The following DYNC2I1 variants were observed in gnomAD, a reference collection of about 807,000 sequenced individuals.
DYNC2I1 encodes the protein cytoplasmic dynein 2 intermediate chain 1.
Under a neutral mutation model 133.4 loss-of-function variants are expected in DYNC2I1, and 89 were observed. That is an observed-to-expected ratio of 0.67 (90% CI 0.56 to 0.80). The LOEUF (loss-of-function observed/expected upper bound fraction) is 0.80. Ranked by LOEUF, DYNC2I1 falls within the 30% of genes least tolerant of loss-of-function variation. The pLI is 0.00. For synonymous variants in DYNC2I1, 504 were observed against 484.3 expected, an observed-to-expected ratio of 1.04 and a Z score of -0.54; for missense variants, 1,291 against 1,314.5, an observed-to-expected ratio of 0.98 and a Z score of 0.28.
At chr7:158,891,182 G>C (rs1419075931) in intron 7 of DYNC2I1, 83 bp from the exon 8 acceptor site, 1 of 1,495,816 alleles carries the variant, frequency 6.7e-7, no homozygotes, top group Non-Finnish European at 9.3e-7. Flanking sequence ...GCTCCGCAGT[G>C]GTGGGGTGGG....
chr7:158,953,509 T>C (rs759942535), intron 4 of DYNC2I1, among the ~76,000 whole-genome samples: 126 of 152,176 alleles, frequency 8.3e-4, no homozygotes, highest in Non-Finnish European at 1.1e-3. Context: ...TCCCAGCACT[T>C]TGGGAGGCCA....
intron 11 of DYNC2I1, among the ~76,000 whole-genome samples, chr7:158,911,023 G>T (rs114398888): frequency 0.024 from 3,621 of 148,932 alleles, 139 homozygotes; most frequent in African/African-American, 0.085. Flanking sequence ...GGCCGAGGGC[G>T]ATTGGCTGTG....
rs1412798883 is a variant in DYNC2I1 at position 158,874,257 on chromosome 7, G to A, written c.491-2352G>A. Among the ~76,000 whole-genome samples, 4 of 150,578 alleles carry A rather than the reference G, an allele frequency of 2.7e-5. No individual in the cohort carries two copies. The South Asian group carries it at 8.5e-4, about 32-fold the overall frequency. Reference sequence around the variant, plus strand: ...GACTCTCACTCTGTTCCCCAGGCTGGAGTGCAGTGGTGTGATCTTGGCTCA... The same window carrying A: ...GACTCTCACTCTGTTCCCCAGGCTGAAGTGCAGTGGTGTGATCTTGGCTCA... On this transcript the variant is annotated intron_variant, in intron 3 of 24. Coordinates refer to ENST00000407559, the MANE Select transcript of DYNC2I1 (RefSeq NM_018051.5).
At chr7:158,938,775 AAAG>A (rs1162196558) in intron 23 of DYNC2I1, among the ~76,000 whole-genome samples, 1 of 152,096 alleles carries the variant, frequency 6.6e-6, no homozygotes, top group Non-Finnish European at 1.5e-5. Context: ...AACAACAACA[AAAG>A]AAATGCTAAA....
chr7:158,873,524 C>T (rs1417886322), intron 3 of DYNC2I1, among the ~76,000 whole-genome samples: 3 of 152,106 alleles, frequency 2.0e-5, no homozygotes, highest in Admixed American at 6.5e-5. Flanking sequence ...CATATATGTG[C>T]GTTTCTGTTG....
intron 16 of DYNC2I1, among the ~76,000 whole-genome samples, chr7:158,923,179 C>T (rs1243236598): frequency 6.6e-6 from 1 of 152,172 alleles, no homozygotes; most frequent in Non-Finnish European, 1.5e-5. Flanking sequence ...TCCACAAAAG[C>T]TGTAGAGAAG....
chr7:158,944,909 T>C (rs1181114419), intron 24 of DYNC2I1, among the ~76,000 whole-genome samples: 1 of 151,930 alleles, frequency 6.6e-6, no homozygotes, highest in Non-Finnish European at 1.5e-5. Flanking sequence ...AGACTGGGCG[T>C]GTTTCTACCA....
chr7:158,860,816 T>C (rs780388368), intron 1 of DYNC2I1, among the ~76,000 whole-genome samples: 46 of 152,332 alleles, frequency 3.0e-4, no homozygotes, highest in East Asian at 1.5e-3. Flanking sequence ...ATGTGAGATA[T>C]GTACTAGTGA....
chr7:158,880,058 G>C (rs1045850082), intron 5 of DYNC2I1, 69 bp downstream of exon 5: 1 of 1,513,246 alleles, frequency 6.6e-7, no homozygotes, highest in African/African-American at 1.4e-5. Context: ...GAGGCTTACC[G>C]GGCGGTGTCG....
chr7:158,954,211 T>G (rs2129490449), intron 4 of DYNC2I1, among the ~76,000 whole-genome samples: 1 of 152,346 alleles, frequency 6.6e-6, no homozygotes, highest in East Asian at 1.9e-4. Context: ...CATGTGGAAC[T>G]GTGAGTCCAT....
At chr7:158,944,600 A>T (rs182696317) in intron 24 of DYNC2I1, among the ~76,000 whole-genome samples, 8 of 152,290 alleles carry the variant, frequency 5.3e-5, no homozygotes, top group Admixed American at 1.3e-4. Flanking sequence ...ACGAGGCTTC[A>T]TTCCCACACT....
Position 158,926,400 on chromosome 7 carries a change from A to G in DYNC2I1, c.2372-2A>G, listed in dbSNP as rs755531850. Reference sequence around the variant, plus strand: ...CTTTCTTTTTGTTTCTGTCTTCATCAGAAATGTCAGGTTTGTCCTTCCACA... The same window carrying G: ...CTTTCTTTTTGTTTCTGTCTTCATCGGAAATGTCAGGTTTGTCCTTCCACA... On this transcript the variant is annotated splice_acceptor_variant, in intron 18 of 24. Transcript: ENST00000407559. LOFTEE classifies it high-confidence loss of function. 1 of 1,612,418 alleles carries G rather than the reference A, an allele frequency of 6.2e-7. No individual in the cohort carries two copies. Among genetic ancestry groups the G allele is most frequent in the South Asian group, 1.1e-5 (1 of 90,756 alleles).
intron 7 of DYNC2I1, among the ~76,000 whole-genome samples, chr7:158,888,476 T>TAC (rs1055446693): frequency 2.0e-5 from 3 of 151,636 alleles, no homozygotes; most frequent in African/African-American, 7.3e-5. Flanking sequence ...TACATATATA[T>TAC]ATATATATAC....
intron 1 of DYNC2I1, among the ~76,000 whole-genome samples, chr7:158,858,524 T>C (rs919962286): frequency 2.6e-5 from 4 of 152,204 alleles, no homozygotes; most frequent in African/African-American, 9.6e-5. Context: ...CCTGTTTTTT[T>C]AGTTTTGGCA....
rs1341232072 is a variant in DYNC2I1 at position 158,923,733 on chromosome 7, G to A, written c.2257G>A (p.Asp753Asn). Residue 753 changes from aspartate to asparagine, a missense_variant and splice_region_variant, in exon 17 of 25, where the codon GAT becomes AAT. Physicochemically the swap from Asp to Asn is conservative, Grantham distance 23 (BLOSUM62 1). Transcript: ENST00000407559. Reference sequence around the variant, plus strand: ...GTTCCGGACCGCCACGTTTTCCACCGGTCAGTGTCATCTGCCTGCCAATTG... The same window carrying A: ...GTTCCGGACCGCCACGTTTTCCACCAGTCAGTGTCATCTGCCTGCCAATTG... ...WTFRTATFST[D>N]GILTSVNHRS... The A allele has an allele frequency of 4.4e-5, 71 of 1,604,298 alleles. No individual in the cohort carries two copies. The highest frequency in any genetic ancestry group is 5.6e-5 in the Non-Finnish European group (66 of 1,173,378).
At chr7:158,943,919 G>T (rs888135696) in intron 24 of DYNC2I1, among the ~76,000 whole-genome samples, 1 of 152,148 alleles carries the variant, frequency 6.6e-6, no homozygotes, top group East Asian at 1.9e-4. Flanking sequence ...CCCGGCCCAC[G>T]TTCCTCTACT....
intron 5 of DYNC2I1, among the ~76,000 whole-genome samples, chr7:158,881,546 C>G (rs1006970102): frequency 6.6e-6 from 1 of 152,098 alleles, no homozygotes; most frequent in Non-Finnish European, 1.5e-5. Flanking sequence ...CTTGGCCTCC[C>G]AGGTTCACGC....
the DYNC2I1 span, among the ~76,000 whole-genome samples, chr7:158,839,558 G>A: frequency 1.6e-4 from 25 of 152,310 alleles, no homozygotes; most frequent in Non-Finnish European, 1.3e-4. Flanking sequence ...GGTGGTTCAC[G>A]CCTGTAATCC....
At chr7:158,943,965 G>A (rs1851634053) in intron 24 of DYNC2I1, among the ~76,000 whole-genome samples, 1 of 152,230 alleles carries the variant, frequency 6.6e-6, no homozygotes, top group South Asian at 2.1e-4. Flanking sequence ...CTGGAAGGAG[G>A]TGGCGCTCTC....
Sources: gnomAD v4.1 joint callset for allele counts (sites outside exome capture counted in the v4.1 genomes callset) on GRCh38, gnomAD v4.1.1 for gene constraint, MANE v1.5 for transcripts, NCBI Gene and HGNC (gene_info 2026-07-23, HGNC 2026-07-21) for gene names.